Variants in FARP1 observed in about 807,000 individuals in gnomAD.
FARP1 encodes the protein FERM, ARHGEF and pleckstrin domain-containing protein 1.
FARP1 carries 52 observed loss-of-function variants against 128.8 expected under a neutral mutation model. The observed-to-expected ratio is 0.40, with a 90% CI of 0.32 to 0.51. The LOEUF is 0.51. Ranked by LOEUF, FARP1 falls within the 20% of genes least tolerant of loss-of-function variation. FARP1 has a pLI of 0.45. For missense variants in FARP1, 1,333 were observed against 1,367.9 expected, an observed-to-expected ratio of 0.97 and a Z score of 0.40; for synonymous variants, 580 against 551.8, an observed-to-expected ratio of 1.05 and a Z score of -0.72.
intron 2 of FARP1, among the ~76,000 whole-genome samples, chr13:98,241,609 G>A (rs369035298): frequency 2.6e-5 from 4 of 151,978 alleles, no homozygotes; most frequent in South Asian, 2.1e-4. Context: ...GTGAGATGTC[G>A]TCTCTACAAA....
chr13:98,364,968 A>C (rs1889022460), intron 3 of FARP1, among the ~76,000 whole-genome samples: 1 of 152,184 alleles, frequency 6.6e-6, no homozygotes, highest in African/African-American at 2.4e-5. Context: ...GTAAATATTC[A>C]TTCCCTTTCC....
At chr13:98,205,827 A>G (rs531140243) in intron 1 of FARP1, among the ~76,000 whole-genome samples, 1 of 151,742 alleles carries the variant, frequency 6.6e-6, no homozygotes, top group African/African-American at 2.4e-5. Context: ...TCATTCTTCC[A>G]TTTTGTCCTC....
At position 98,176,727 on chromosome 13, in the gene FARP1, C is replaced by A. The variant is rs1878076191; in HGVS notation, c.-24+33235C>A. The A allele has an allele frequency of 6.2e-7, 1 of 1,614,168 alleles. No homozygotes were observed. The highest frequency in any genetic ancestry group is 8.5e-7 in the Non-Finnish European group (1 of 1,180,034). On this transcript the variant is annotated intron_variant, in intron 1 of 26. Transcript: ENST00000319562. This position sits in a 1 kb window ranked among gnomAD's most constrained non-coding sequence, Gnocchi z 6.2. ...CACGTATGGGGCCCTTCCTCGCCAT[C>A]CCCGAGGAGGAGTTGCCCATGGACG...
intron 3 of FARP1, among the ~76,000 whole-genome samples, chr13:98,354,162 T>G (rs1384402461): frequency 6.6e-6 from 1 of 152,232 alleles, no homozygotes; most frequent in Non-Finnish European, 1.5e-5. Context: ...CAACTCCTAC[T>G]TAATGAGTTC....
intron 16 of FARP1, among the ~76,000 whole-genome samples, chr13:98,413,815 T>C (rs1387190350): frequency 2.6e-5 from 4 of 152,206 alleles, no homozygotes; most frequent in East Asian, 3.8e-4. Flanking sequence ...GGAGAACCCA[T>C]TTGGCAGTTT....
intron 3 of FARP1, among the ~76,000 whole-genome samples, chr13:98,363,582 C>T (rs1414239027): frequency 6.6e-6 from 1 of 152,104 alleles, no homozygotes; most frequent in East Asian, 1.9e-4. Context: ...TGAATCATCT[C>T]AGCGCCTGGT....
chr13:98,148,524 T>C (rs1875742456), intron 1 of FARP1, among the ~76,000 whole-genome samples: 1 of 152,232 alleles, frequency 6.6e-6, no homozygotes, highest in Non-Finnish European at 1.5e-5. Context: ...AAATTTGACA[T>C]TCTAATTGTT....
rs539510341 is a variant in FARP1, at chr13:98,178,565, G to A, written c.-23-34655G>A. Among the ~76,000 whole-genome samples the A allele has an allele frequency of 1.2e-4, 18 of 152,136 alleles. No homozygotes were observed. In the South Asian group the frequency reaches 3.7e-3, roughly 32 times the overall value. The stretch of plus-strand genomic sequence containing the variant: ...TTGTGAAATAATTCATTTATATAAT[G>A]TAAATGGATTCTAGTTCTTATTTAG... On this transcript the variant is annotated intron_variant, in intron 1 of 26. Coordinates refer to ENST00000319562, the MANE Select transcript of FARP1 (RefSeq NM_005766.4).
intron 1 of FARP1, among the ~76,000 whole-genome samples, chr13:98,205,916 T>A (rs1880236277): frequency 6.6e-6 from 1 of 152,254 alleles, no homozygotes; most frequent in African/African-American, 2.4e-5. Flanking sequence ...AATCCTTTTA[T>A]GTTTTTGTCT....
intron 2 of FARP1, among the ~76,000 whole-genome samples, chr13:98,254,690 A>G (rs1300420988): frequency 6.6e-6 from 1 of 152,210 alleles, no homozygotes; most frequent in Non-Finnish European, 1.5e-5. Context: ...CCATGAATTC[A>G]CAAGAAACTG....
At chr13:98,446,839 A>C (rs201168854) in intron 26 of FARP1, 22 bp downstream of exon 26, 1 of 1,613,196 alleles carries the variant, frequency 6.2e-7, no homozygotes, top group Non-Finnish European at 8.5e-7. Flanking sequence ...CTTCCCACGC[A>C]CAGGGCCCTG....
At chr13:98,207,852 A>G (rs1182631878) in intron 1 of FARP1, among the ~76,000 whole-genome samples, 1 of 149,588 alleles carries the variant, frequency 6.7e-6, no homozygotes, top group Middle Eastern at 3.2e-3. Context: ...GCTTGTGAAG[A>G]TTATTTTGGA....
chr13:98,165,511 GT>G (rs1477184932), intron 1 of FARP1, among the ~76,000 whole-genome samples: 2 of 151,842 alleles, frequency 1.3e-5, no homozygotes, highest in Non-Finnish European at 2.9e-5. Flanking sequence ...TCTAAAGTTT[GT>G]TTTAACAGAA....
chr13:98,187,573 A>T (rs1878960233), intron 1 of FARP1, among the ~76,000 whole-genome samples: 1 of 152,214 alleles, frequency 6.6e-6, no homozygotes, highest in African/African-American at 2.4e-5. Flanking sequence ...AAGTAAGTTC[A>T]TGTCACCTTA....
chr13:98,223,810 A>G (rs1056132066), intron 2 of FARP1, among the ~76,000 whole-genome samples: 1 of 152,240 alleles, frequency 6.6e-6, no homozygotes, highest in Non-Finnish European at 1.5e-5. Flanking sequence ...TCATCTCCCC[A>G]GAAGCTACTC....
Position 98,187,181 on chromosome 13 carries a change from C to G in FARP1, c.-23-26039C>G, listed in dbSNP as rs1177192135. ...TACAGCTCATTCATTATTTTTTGAC[C>G]TGGAAACTAATGTATCTTTCCAAAA... On this transcript the variant is annotated intron_variant, in intron 1 of 26. Transcript: ENST00000319562. Among the ~76,000 whole-genome samples, 3 of 151,868 alleles carry G rather than the reference C, an allele frequency of 2.0e-5. No individual in the cohort carries two copies. In the East Asian group the frequency reaches 5.8e-4, roughly 29 times the overall value.
At chr13:98,445,857 G>T (rs905363809) in intron 24 of FARP1, 3 of 464,776 alleles carry the variant, frequency 6.5e-6, no homozygotes, top group African/African-American at 2.0e-5. Flanking sequence ...GGACCTCAAC[G>T]TGTCTTTTGG....
intron 5 of FARP1, 104 bp from the exon 6 acceptor site, chr13:98,377,717 T>C (rs1280771985): frequency 1.3e-6 from 1 of 754,660 alleles, no homozygotes; most frequent in African/African-American, 1.7e-5. Flanking sequence ...GCAGACTTCG[T>C]GGTTGGGGTT....
chr13:98,199,188 A>G (rs1390045201), intron 1 of FARP1, among the ~76,000 whole-genome samples: 3 of 151,874 alleles, frequency 2.0e-5, no homozygotes, highest in Admixed American at 1.3e-4. Context: ...TACCCACACC[A>G]TGCCATCTGC....
Sources: allele counts gnomAD v4.1 joint callset (sites outside exome capture counted in the v4.1 genomes callset), GRCh38; gene constraint gnomAD v4.1.1; non-coding constraint Gnocchi (gnomAD v3.1); transcripts MANE v1.5; gene names NCBI Gene and HGNC (gene_info 2026-07-23, HGNC 2026-07-21).